SLC24A3: variants seen among roughly 807,000 people sequenced by gnomAD.
SLC24A3 encodes sodium/potassium/calcium exchanger 3.
Under a neutral mutation model 75.8 loss-of-function variants are expected in SLC24A3, and 28 were observed. The ratio of observed to expected loss-of-function variants is 0.37; its 90% CI spans 0.27 to 0.51. The LOEUF (loss-of-function observed/expected upper bound fraction) is 0.51. Ranked by LOEUF, SLC24A3 falls within the 20% of genes least tolerant of loss-of-function variation. SLC24A3 has a pLI of 0.94. For missense variants in SLC24A3, 663 were observed against 847.8 expected (o/e 0.78, Z 2.71); for synonymous variants, 372 against 334.1 (o/e 1.11, Z -1.24).
chr20:19,307,329 C>A (rs1984355931), intron 2 of SLC24A3, among the ~76,000 whole-genome samples: 1 of 152,150 alleles, frequency 6.6e-6, no homozygotes, highest in African/African-American at 2.4e-5. Flanking sequence ...ATCAAATGCA[C>A]AGACTGACTA....
intron 2 of SLC24A3, among the ~76,000 whole-genome samples, chr20:19,402,247 A>T (rs1986565275): frequency 2.6e-5 from 4 of 152,374 alleles, no homozygotes; most frequent in Middle Eastern, 3.4e-3. Context: ...CTCAATAGGA[A>T]TAAGCCAGAA....
chr20:19,252,647 G>GGGGGGT, intron 1 of SLC24A3, among the ~76,000 whole-genome samples: 1 of 148,088 alleles, frequency 6.8e-6, no homozygotes, highest in South Asian at 2.2e-4. Flanking sequence ...GAATGGCGGG[G>GGGGGGT]GGGGGTGCCT....
rs141315743 is a variant in SLC24A3 at position 19,638,687 on chromosome 20, G to C, written c.613-15375G>C. Among the ~76,000 whole-genome samples, 9 of 152,246 alleles carry C rather than the reference G, an allele frequency of 5.9e-5. No homozygotes were observed. The East Asian group carries it at 1.7e-3, about 29-fold the overall frequency. ...CTATTTTTGAAGATGAGGAAACTGAGGCACAGAGACATAATTAATAGCTTG... is the reference window on the plus strand; with the variant it reads ...CTATTTTTGAAGATGAGGAAACTGACGCACAGAGACATAATTAATAGCTTG... On this transcript the variant is annotated intron_variant, in intron 6 of 16. Coordinates refer to ENST00000328041, the MANE Select transcript of SLC24A3 (RefSeq NM_020689.4).
intron 2 of SLC24A3, among the ~76,000 whole-genome samples, chr20:19,437,118 G>T (rs1008560347): frequency 6.6e-6 from 1 of 152,218 alleles, no homozygotes; most frequent in East Asian, 1.9e-4. Flanking sequence ...CTGTGTCAAT[G>T]TAGGGGGGAG....
At chr20:19,716,855 C>T (rs1422737456) in intron 15 of SLC24A3, among the ~76,000 whole-genome samples, 1 of 152,058 alleles carries the variant, frequency 6.6e-6, no homozygotes, top group Non-Finnish European at 1.5e-5. Context: ...GCCTGGGTAA[C>T]AGAGTGAAAC....
At chr20:19,337,714 G>A (rs1487329224) in intron 2 of SLC24A3, among the ~76,000 whole-genome samples, 1 of 152,142 alleles carries the variant, frequency 6.6e-6, no homozygotes, top group African/African-American at 2.4e-5. Flanking sequence ...TGGCTTATGA[G>A]TCCATAGGTC....
intron 3 of SLC24A3, among the ~76,000 whole-genome samples, chr20:19,563,721 C>T (rs763070483): frequency 6.6e-6 from 1 of 152,134 alleles, no homozygotes; most frequent in Non-Finnish European, 1.5e-5. Flanking sequence ...TCCATCAGCT[C>T]CTGAGTCTGA....
Position 19,511,328 on chromosome 20 carries a change from A to ATTT in SLC24A3, c.272-4145_272-4143dup, listed in dbSNP as rs11478021. Among the ~76,000 whole-genome samples, 272 of 140,768 alleles carry ATTT rather than the reference A, an allele frequency of 1.9e-3. 3 individuals carry two copies. In the South Asian group the frequency reaches 0.032, roughly 16 times the overall value. The allele number at this position is 140,768 out of a possible 152,430, so 92.3% of individuals were successfully genotyped here. A position where few individuals can be genotyped will look rare whatever the true frequency, so the allele number is the denominator to read the frequency against. The stretch of plus-strand genomic sequence containing the variant: ...GGGTAGGAGAAGAGGGCTTAGCTCA[A>ATTT]TTTTTTTTTTTTTTTTTGAGATGGA... On this transcript the variant is annotated intron_variant, in intron 2 of 16. Coordinates refer to ENST00000328041, the MANE Select transcript of SLC24A3 (RefSeq NM_020689.4).
intron 6 of SLC24A3, among the ~76,000 whole-genome samples, chr20:19,621,288 G>C (rs1203390724): frequency 6.6e-6 from 1 of 152,136 alleles, no homozygotes; most frequent in African/African-American, 2.4e-5. Context: ...CTCAAAGCAG[G>C]CTCATTTCTC....
At chr20:19,349,548 G>T (rs948018349) in intron 2 of SLC24A3, among the ~76,000 whole-genome samples, 1 of 152,164 alleles carries the variant, frequency 6.6e-6, no homozygotes, top group African/African-American at 2.4e-5. Flanking sequence ...CCTGAGAAAA[G>T]TCCTTGACCA....
rs202021053 is a variant in SLC24A3 at position 19,620,769 on chromosome 20, TG to T, written c.613-33289del. Among the ~76,000 whole-genome samples, 508 of 152,238 alleles carry T rather than the reference TG, an allele frequency of 3.3e-3. 9 individuals are homozygous for T. The highest frequency in any genetic ancestry group is 0.026 in the Admixed American group (398 of 15,280). ...GAGATGAGAAAGGAGAGAATATCTG[TG>T]GGGCTGGATGAGGCAATAACTCTGG... On this transcript the variant is annotated intron_variant, in intron 6 of 16. Coordinates refer to ENST00000328041, the MANE Select transcript of SLC24A3 (RefSeq NM_020689.4).
chr20:19,293,655 CAAAAAAA>C, intron 2 of SLC24A3, among the ~76,000 whole-genome samples: 1 of 57,788 alleles, frequency 1.7e-5, no homozygotes, highest in African/African-American at 5.5e-5. Context: ...AACTTCGTCT[CAAAAAAA>C]AAAAAAAAAA....
At position 19,582,959 on chromosome 20, in the gene SLC24A3, A is replaced by T. The variant is rs2031239813; in HGVS notation, c.424-2012A>T. Reference sequence around the variant, plus strand: ...TGGAGGCTTCCAGGACAGCAGTGGGACATTTGAGCAGCGGAGGATGTGACA... The same window carrying T: ...TGGAGGCTTCCAGGACAGCAGTGGGTCATTTGAGCAGCGGAGGATGTGACA... On this transcript the variant is annotated intron_variant, in intron 4 of 16. Transcript: ENST00000328041. 2.0e-5 allele frequency among the ~76,000 whole-genome samples: 3 copies of T among 152,130 alleles called. No homozygotes were observed. The South Asian group carries it at 6.2e-4, about 32-fold the overall frequency.
intron 9 of SLC24A3, among the ~76,000 whole-genome samples, chr20:19,677,293 CAAAAAAA>C (rs5840854): frequency 9.7e-6 from 1 of 102,630 alleles, no homozygotes; most frequent in Non-Finnish European, 2.1e-5. Context: ...GACCCCGTTC[CAAAAAAA>C]AAAAAAAAAG....
intron 3 of SLC24A3, among the ~76,000 whole-genome samples, chr20:19,571,172 C>T (rs1204176459): frequency 3.3e-5 from 5 of 152,132 alleles, no homozygotes; most frequent in Non-Finnish European, 7.3e-5. Context: ...AGGTTCCCAC[C>T]TGTGAGGCTG....
At chr20:19,350,538 C>T (rs1410765479) in intron 2 of SLC24A3, among the ~76,000 whole-genome samples, 1 of 152,176 alleles carries the variant, frequency 6.6e-6, no homozygotes, top group East Asian at 1.9e-4. Context: ...ATATGTGTTG[C>T]TGTCTCTTTG....
intron 3 of SLC24A3, among the ~76,000 whole-genome samples, chr20:19,569,211 CT>C (rs2031010341): frequency 6.6e-6 from 1 of 152,184 alleles, no homozygotes; most frequent in Non-Finnish European, 1.5e-5. Flanking sequence ...TGTTCTTCTG[CT>C]TCCTCCTCTT....
intron 2 of SLC24A3, among the ~76,000 whole-genome samples, chr20:19,382,147 C>T (rs1339346793): frequency 6.6e-6 from 1 of 152,206 alleles, no homozygotes; most frequent in Non-Finnish European, 1.5e-5. Context: ...AACATGTCAC[C>T]AATTTGTATG....
intron 2 of SLC24A3, among the ~76,000 whole-genome samples, chr20:19,321,684 T>C (rs1052841548): frequency 6.6e-6 from 1 of 152,220 alleles, no homozygotes; most frequent in Non-Finnish European, 1.5e-5. Context: ...GGAGAGTGGA[T>C]AGAAGATGCT....
Sources: allele counts gnomAD v4.1 joint callset (sites outside exome capture counted in the v4.1 genomes callset), GRCh38; gene constraint gnomAD v4.1.1; transcripts MANE v1.5; gene names NCBI Gene and HGNC (gene_info 2026-07-23, HGNC 2026-07-21).